Variants in ING3 observed in about 807,000 individuals in gnomAD.
The protein encoded by ING3 is inhibitor of growth protein 3.
Under a neutral mutation model 64.8 loss-of-function variants are expected in ING3, and 6 were observed. The observed-to-expected ratio is 0.09, with a 90% CI of 0.05 to 0.18. The LOEUF (loss-of-function observed/expected upper bound fraction) is 0.18, where lower values mean the gene tolerates loss of function less well. Among genes scored for constraint, ING3 ranks in the 10% least tolerant of loss-of-function variants. ING3 has a pLI of 1.00. For missense variants in ING3, 310 were observed against 489.7 expected (o/e 0.63, Z 3.46); for synonymous variants, 170 against 173.7 (o/e 0.98, Z 0.17).
intron 4 of ING3, among the ~76,000 whole-genome samples, chr7:120,964,414 A>G (rs1584992261): frequency 1.3e-5 from 2 of 152,064 alleles, no homozygotes; most frequent in East Asian, 1.9e-4. Flanking sequence ...ACCAGCCTCC[A>G]CCATCCCCTC....
At chr7:120,956,879 TTTTG>T in intron 4 of ING3, 1 of 866,430 alleles carries the variant, frequency 1.2e-6, no homozygotes, top group Non-Finnish European at 1.4e-6. Flanking sequence ...CTATTCTTTG[TTTTG>T]TTTATTATTT....
chr7:120,966,051 A>G (rs950311033), intron 5 of ING3, among the ~76,000 whole-genome samples: 1 of 152,144 alleles, frequency 6.6e-6, no homozygotes, highest in Non-Finnish European at 1.5e-5. Flanking sequence ...CCATAATTTC[A>G]TCTCAAGGGA....
intron 4 of ING3, chr7:120,956,325 A>G: frequency 7.1e-7 from 1 of 1,408,876 alleles, no homozygotes; most frequent in South Asian, 1.5e-5. Flanking sequence ...ATTAAAGCAG[A>G]AAACACATGC....
At chr7:120,963,916 T>C (rs1795965822) in intron 4 of ING3, among the ~76,000 whole-genome samples, 1 of 152,172 alleles carries the variant, frequency 6.6e-6, no homozygotes, top group Non-Finnish European at 1.5e-5. Context: ...ATCAATAATG[T>C]GACATGAATA....
At chr7:120,970,910 A>G (rs764389022) in intron 10 of ING3, 30 bp downstream of exon 10, 2 of 1,500,620 alleles carry the variant, frequency 1.3e-6, no homozygotes, top group South Asian at 2.3e-5. Context: ...ATAAAAGTAT[A>G]ATCTGAATAA....
chr7:120,955,624 G>A lies in ING3; in HGVS notation c.267G>A (p.Leu89=). Reference sequence around the variant, plus strand: ...AGTTGGCAAACCAGATATATGACTTGGTAAGTAAAAGTAATGTGCATACTG... The same window carrying A: ...AGTTGGCAAACCAGATATATGACTTAGTAAGTAAAAGTAATGTGCATACTG... ...KVQLANQIYD[L]VDRHLRKLDQ... Residue 89 remains leucine (L), a splice_region_variant and synonymous_variant, in exon 4 of 12, where the codon TTG becomes TTA. Coordinates refer to ENST00000315870, the MANE Select transcript of ING3 (RefSeq NM_019071.3). 6.3e-7 allele frequency: 1 copy of A among 1,596,388 alleles called. No individual in the cohort carries two copies. Among genetic ancestry groups the A allele is most frequent in the South Asian group, 1.1e-5 (1 of 90,688 alleles).
Position 120,968,098 on chromosome 7 carries a change from AG to A in ING3, c.714+8del, listed in dbSNP as rs1796019767. The stretch of plus-strand genomic sequence containing the variant: ...AGTTCAGGCTACAGCTCAGGTAAAA[AG>A]TAAAGGGTTTAGAGACAAAATGTTA... On this transcript the variant is annotated splice_region_variant and intron_variant, in intron 8 of 11. Transcript: ENST00000315870. 1 of 1,612,576 alleles carries A rather than the reference AG, an allele frequency of 6.2e-7. No individual in the cohort carries two copies. The highest frequency in any genetic ancestry group is 1.1e-5 in the South Asian group (1 of 90,682).
intron 3 of ING3, among the ~76,000 whole-genome samples, chr7:120,955,161 G>A (rs1033190767): frequency 1.3e-5 from 2 of 151,728 alleles, no homozygotes; most frequent in Non-Finnish European, 2.9e-5. Context: ...ACAGAGTCTC[G>A]CTCTGTTGTC....
At position 120,976,936 on chromosome 7, in the gene ING3, CA is replaced by C. The variant is rs1244757104; in HGVS notation, c.*2095del. The stretch of plus-strand genomic sequence containing the variant: ...ATATCTGAGTCATATATAATGGGGC[CA>C]AACATGGAACTACCTCATCAACCCC... On this transcript the variant is annotated 3_prime_UTR_variant, in exon 12 of 12. Transcript: ENST00000315870. 5 of 152,086 alleles carry C rather than the reference CA, an allele frequency of 3.3e-5. No individual in the cohort carries two copies. The highest frequency in any genetic ancestry group is 7.4e-5 in the Non-Finnish European group (5 of 68,018). 9.4% of individuals were successfully genotyped at this position (152,086 alleles called of 1,614,324 possible).
Position 120,970,750 on chromosome 7 carries a change from C to G in ING3, c.971C>G (p.Ser324Trp). 1 of 1,612,804 alleles carries G rather than the reference C, an allele frequency of 6.2e-7. No homozygotes were observed. Among genetic ancestry groups the G allele is most frequent in the Non-Finnish European group, 8.5e-7 (1 of 1,178,858 alleles). The part of the protein sequence containing the change: ...SSSSSSSSLS[S>W]CSSSSTVVQE... Reference sequence around the variant, plus strand: ...TCCTCCTCCTCTTCTTCCTTATCATCGTGTTCTTCATCATCAACTGTTGTA... The same window carrying G: ...TCCTCCTCCTCTTCTTCCTTATCATGGTGTTCTTCATCATCAACTGTTGTA... The change falls in exon 10 of 12, where the codon TCG becomes TGG. Residue 324 changes from serine to tryptophan, a missense_variant. Ser to Trp is a radical substitution (Grantham distance 177). Around this residue, in one of 3 missense-constraint regions of ING3, gnomAD observed 233 missense variants for 289.4 expected, o/e 0.81. Transcript: ENST00000315870.
chr7:120,966,398 G>A (rs1337135976), intron 5 of ING3, among the ~76,000 whole-genome samples: 8 of 152,144 alleles, frequency 5.3e-5, no homozygotes, highest in Non-Finnish European at 1.5e-5. Context: ...TTGTACTTAA[G>A]ATTAATATTG....
At position 120,955,635 on chromosome 7, in the gene ING3, G is replaced by C; in HGVS notation, c.267+11G>C. On this transcript the variant is annotated intron_variant, in intron 4 of 11. Coordinates refer to ENST00000315870, the MANE Select transcript of ING3 (RefSeq NM_019071.3). ...CAGATATATGACTTGGTAAGTAAAA[G>C]TAATGTGCATACTGTGCCATAAGTA... is the stretch of plus-strand genomic sequence containing the variant. 1 of 1,557,372 alleles carries C rather than the reference G, an allele frequency of 6.4e-7. No individual in the cohort carries two copies. The highest frequency in any genetic ancestry group is 8.9e-7 in the Non-Finnish European group (1 of 1,128,448).
Position 120,973,250 on chromosome 7 carries a change from AT to A in ING3, c.1140+9del. ...GGGATGTGATAACCAAGATGTAAGT[AT>A]TACATTTTTCTATTTAGGAATGAAA... On this transcript the variant is annotated splice_region_variant and intron_variant, in intron 11 of 11. Coordinates refer to ENST00000315870, the MANE Select transcript of ING3 (RefSeq NM_019071.3). The A allele has an allele frequency of 6.6e-7, 1 of 1,515,978 alleles. No homozygotes were observed. Among genetic ancestry groups the A allele is most frequent in the Non-Finnish European group, 9.1e-7 (1 of 1,095,718 alleles). The allele number at this position is 1,515,978 out of a possible 1,614,324, so 93.9% of individuals were successfully genotyped here. A position where few individuals can be genotyped will look rare whatever the true frequency, so the allele number is the denominator to read the frequency against.
rs778334927 is a variant in ING3, at chr7:120,969,169, A to C, written c.873A>C (p.Ser291=). 6.2e-7 allele frequency: 1 copy of C among 1,613,934 alleles called. No homozygotes were observed. Among genetic ancestry groups the C allele is most frequent in the Non-Finnish European group, 8.5e-7 (1 of 1,179,888 alleles). The change falls in exon 9 of 12, where the codon TCA becomes TCC. Residue 291 remains serine, a synonymous_variant. Coordinates refer to ENST00000315870, the MANE Select transcript of ING3 (RefSeq NM_019071.3). ...CAACATTAACACAGAATGCCAGTTCATCAGCAGCCGACTCACGGAGTGGTC... is the reference window on the plus strand; with the variant it reads ...CAACATTAACACAGAATGCCAGTTCCTCAGCAGCCGACTCACGGAGTGGTC... ...LMTTLTQNAS[S]SAADSRSGRK...
At chr7:120,955,726 T>C (rs1392794655) in intron 4 of ING3, 102 bp downstream of exon 4, 3 of 757,676 alleles carry the variant, frequency 4.0e-6, no homozygotes, top group African/African-American at 3.5e-5. Flanking sequence ...CAACTAAAAC[T>C]GAAGTATTGC....
intron 3 of ING3, 54 bp from the exon 4 acceptor site, chr7:120,955,505 A>G: frequency 8.5e-7 from 1 of 1,174,970 alleles, no homozygotes; most frequent in Non-Finnish European, 1.3e-6. Flanking sequence ...TGTCCTGCAT[A>G]TGAATATTTT....
At chr7:120,960,812 G>A (rs934392841) in intron 4 of ING3, among the ~76,000 whole-genome samples, 1 of 152,170 alleles carries the variant, frequency 6.6e-6, no homozygotes, top group Admixed American at 6.5e-5. Flanking sequence ...CTAGAAGCAT[G>A]ATACTCATAA....
In ING3 at chr7:120,951,213, C is replaced by A; in HGVS notation, c.78C>A (p.Arg26=). 2 of 1,614,126 alleles carry A rather than the reference C, an allele frequency of 1.2e-6. No individual in the cohort carries two copies. The highest frequency in any genetic ancestry group is 1.7e-6 in the Non-Finnish European group (2 of 1,180,014). ...TGCGGGACCGCTTCACGGAAATGCG[C>A]GAGATGGACCTGCAGGTGCAGAGTA... ...MDLRDRFTEM[R]EMDLQVQNAM... The change falls in exon 2 of 12, where the codon CGC becomes CGA. Residue 26 remains arginine (R), a synonymous_variant. Coordinates refer to ENST00000315870, the MANE Select transcript of ING3 (RefSeq NM_019071.3).
At chr7:120,958,152 C>T (rs564297577) in intron 4 of ING3, among the ~76,000 whole-genome samples, 1 of 151,486 alleles carries the variant, frequency 6.6e-6, no homozygotes, top group South Asian at 2.1e-4. Context: ...TCTTTTTCTT[C>T]CCCCACCCTT....
Sources: allele counts gnomAD v4.1 joint callset (sites outside exome capture counted in the v4.1 genomes callset), GRCh38; gene constraint gnomAD v4.1.1; regional missense constraint gnomAD v4.1.1; transcripts MANE v1.5; gene names NCBI Gene and HGNC (gene_info 2026-07-23, HGNC 2026-07-21).